Variants in FNIP2 observed in about 807,000 individuals in gnomAD.
The protein encoded by FNIP2 is folliculin interacting protein 2.
A neutral mutation model predicts 108.7 loss-of-function variants in FNIP2; 32 were observed. The ratio of observed to expected loss-of-function variants is 0.29; its 90% confidence interval spans 0.22 to 0.40. The LOEUF (loss-of-function observed/expected upper bound fraction) is 0.40, where lower values mean the gene tolerates loss of function less well. Among genes scored for constraint, FNIP2 ranks in the 10% least tolerant of loss-of-function variants. The pLI is 1.00. For synonymous variants in FNIP2, 480 were observed against 496.7 expected, an observed-to-expected ratio of 0.97 and a Z score of 0.45; for missense variants, 1,202 against 1,381.6, an observed-to-expected ratio of 0.87 and a Z score of 2.06.
In FNIP2 at chr4:158,879,081, A is replaced by G. The variant is rs148447760; in HGVS notation, c.2949+8612A>G. ...GTGGTGGCCAGAGTGAAGAGACTTTATAGCATATGCAGAAAGAGAATAGAG... is the reference window on the plus strand; with the variant it reads ...GTGGTGGCCAGAGTGAAGAGACTTTGTAGCATATGCAGAAAGAGAATAGAG... On this transcript the variant is annotated intron_variant, in intron 14 of 16. Transcript: ENST00000264433. 1.8e-3 allele frequency among the ~76,000 whole-genome samples: 267 copies of G among 150,454 alleles called. 20 individuals carry two copies. The highest frequency in any genetic ancestry group is 6.3e-3 in the African/African-American group (255 of 40,448).
At chr4:158,827,196 A>C (rs1055803332) in intron 2 of FNIP2, among the ~76,000 whole-genome samples, 19 of 152,218 alleles carry the variant, frequency 1.2e-4, no homozygotes, top group African/African-American at 4.6e-4. Flanking sequence ...TCCAGGTTAG[A>C]TTTGTAACAG....
rs539962659 is a variant in FNIP2 at position 158,786,979 on chromosome 4, C to CT, written c.107+17671dup. 2.3e-3 allele frequency among the ~76,000 whole-genome samples: 336 copies of CT among 145,076 alleles called. 2 individuals are homozygous for CT. The highest frequency in any genetic ancestry group is 4.8e-3 in the South Asian group (22 of 4,574). ...TCTGTATTGCTTTTGGGGGTCTCAG[C>CT]TTTTTTTTTTTAATCTCTAAGTCTG... On this transcript the variant is annotated intron_variant, in intron 1 of 16. Coordinates refer to ENST00000264433, the MANE Select transcript of FNIP2 (RefSeq NM_020840.3).
At chr4:158,898,506 T>C (rs1410345091) in intron 16 of FNIP2, among the ~76,000 whole-genome samples, 1 of 152,316 alleles carries the variant, frequency 6.6e-6, no homozygotes, top group African/African-American at 2.4e-5. Flanking sequence ...TGTCCTCTCT[T>C]ATTTCCTTGA....
At position 158,907,569 on chromosome 4, in the gene FNIP2, A is replaced by G. The variant is rs1036585131; in HGVS notation, c.*3025A>G. 1 of 152,220 alleles carries G rather than the reference A, an allele frequency of 6.6e-6. No individual in the cohort carries two copies. The highest frequency in any genetic ancestry group is 2.4e-5 in the African/African-American group (1 of 41,456). The allele number at this position is 152,220 out of a possible 1,614,324, so 9.4% of individuals were successfully genotyped here. A position where few individuals can be genotyped will look rare whatever the true frequency, so the allele number is the denominator to read the frequency against. Reference sequence around the variant, plus strand: ...AGAGTTGGTTGTACATAAAAATAATAAAGAATATAAAGTATCCCAAAATTC... The same window carrying G: ...AGAGTTGGTTGTACATAAAAATAATGAAGAATATAAAGTATCCCAAAATTC... On this transcript the variant is annotated 3_prime_UTR_variant, in exon 17 of 17. Coordinates refer to ENST00000264433, the MANE Select transcript of FNIP2 (RefSeq NM_020840.3).
Position 158,907,056 on chromosome 4 carries a change from C to T in FNIP2, c.*2512C>T, listed in dbSNP as rs957304293. 1.3e-5 allele frequency: 2 copies of T among 152,176 alleles called. No individual in the cohort carries two copies. The highest frequency in any genetic ancestry group is 3.8e-4 in the East Asian group (2 of 5,204). The allele number at this position is 152,176 out of a possible 1,614,324, so 9.4% of individuals were successfully genotyped here. On this transcript the variant is annotated 3_prime_UTR_variant, in exon 17 of 17. Coordinates refer to ENST00000264433, the MANE Select transcript of FNIP2 (RefSeq NM_020840.3). ...CTGTTGAGTGTAACTTTTGTAGCAT[C>T]TTGCTTTTCCAAGCAAGCTAGTGAG...
intron 1 of FNIP2, among the ~76,000 whole-genome samples, chr4:158,816,747 T>G (rs1777594400): frequency 6.8e-6 from 1 of 146,486 alleles, no homozygotes; most frequent in Non-Finnish European, 1.5e-5. Context: ...ATTGCACCAC[T>G]GCACTCCTGC....
intron 16 of FNIP2, 109 bp from the exon 17 acceptor site, chr4:158,904,353 TAATC>T: frequency 1.1e-6 from 1 of 916,464 alleles, no homozygotes; most frequent in Admixed American, 2.3e-5. Context: ...TTTTAAATGA[TAATC>T]TATCAAACTT....
intron 3 of FNIP2, 55 bp from the exon 4 acceptor site, chr4:158,831,806 T>G: frequency 2.8e-6 from 3 of 1,086,162 alleles, no homozygotes; most frequent in Non-Finnish European, 4.2e-6. Flanking sequence ...TATTTTCTGT[T>G]GCATTGCATG....
chr4:158,850,084 G>A (rs1395902420), intron 7 of FNIP2, among the ~76,000 whole-genome samples: 1 of 152,210 alleles, frequency 6.6e-6, no homozygotes, highest in Non-Finnish European at 1.5e-5. Context: ...AGTAACTCCT[G>A]TAGTATTTAA....
At position 158,859,210 on chromosome 4, in the gene FNIP2, TC is replaced by T. The variant is rs35074996; in HGVS notation, c.1015del (p.Leu339CysfsTer6). 6.2e-7 allele frequency: 1 copy of T among 1,612,434 alleles called. No homozygotes were observed. The highest frequency in any genetic ancestry group is 8.5e-7 in the Non-Finnish European group (1 of 1,179,094). ...TCCAGGACTTCTTCTTTTCTCATTT[TC>T]CCCTGTTTGAATCTCACATGAACAG... ...NFQDFFFSHF[P>X]LFESHMNRLK... On this transcript the variant is annotated frameshift_variant, in exon 9 of 17. Coordinates refer to ENST00000264433, the MANE Select transcript of FNIP2 (RefSeq NM_020840.3). LOFTEE classifies it high-confidence loss of function.
chr4:158,778,795 A>G (rs1384584413), intron 1 of FNIP2, among the ~76,000 whole-genome samples: 2 of 152,214 alleles, frequency 1.3e-5, no homozygotes, highest in African/African-American at 4.8e-5. Context: ...CACTACTGTA[A>G]TTTTACCAGT....
At chr4:158,810,936 C>T (rs1229537143) in intron 1 of FNIP2, among the ~76,000 whole-genome samples, 2 of 152,222 alleles carry the variant, frequency 1.3e-5, no homozygotes, top group Non-Finnish European at 2.9e-5. Context: ...GTTATGACTC[C>T]TGTGGTGAGT....
chr4:158,904,412 C>T, intron 16 of FNIP2, 54 bp from the exon 17 acceptor site: 1 of 1,409,586 alleles, frequency 7.1e-7, no homozygotes, highest in Non-Finnish European at 1.0e-6. Context: ...ATAATACTTT[C>T]TCATAAAACC....
At chr4:158,861,959 C>G (rs1780325258) in intron 12 of FNIP2, among the ~76,000 whole-genome samples, 183 bp downstream of exon 12, 1 of 152,118 alleles carries the variant, frequency 6.6e-6, no homozygotes, top group Non-Finnish European at 1.5e-5. Flanking sequence ...TCTTTTTTCC[C>G]CTACTGGCAG....
chr4:158,807,508 AAATAAT>A (rs751744966), intron 1 of FNIP2, among the ~76,000 whole-genome samples: 4 of 152,252 alleles, frequency 2.6e-5, no homozygotes, highest in African/African-American at 9.6e-5. Context: ...GTCGCTTTAA[AAATAAT>A]AATAATAAAA....
chr4:158,819,942 GA>G (rs757896892), intron 1 of FNIP2, among the ~76,000 whole-genome samples: 1 of 152,214 alleles, frequency 6.6e-6, no homozygotes, highest in Non-Finnish European at 1.5e-5. Flanking sequence ...TAGGGTTAAA[GA>G]GTGGTTGGAA....
At chr4:158,846,497 T>C (rs1779412453) in intron 7 of FNIP2, among the ~76,000 whole-genome samples, 1 of 152,172 alleles carries the variant, frequency 6.6e-6, no homozygotes, top group Non-Finnish European at 1.5e-5. Flanking sequence ...AAGCAGGATT[T>C]GAACTAGGAG....
chr4:158,851,294 C>T, intron 7 of FNIP2, 27 bp from the exon 8 acceptor site: 2 of 1,613,430 alleles, frequency 1.2e-6, no homozygotes, highest in Non-Finnish European at 1.7e-6. Context: ...TTGACCTCAA[C>T]TTTCAAATTC....
At chr4:158,772,515 A>C (rs1439746050) in intron 1 of FNIP2, among the ~76,000 whole-genome samples, 3 of 152,206 alleles carry the variant, frequency 2.0e-5, no homozygotes, top group Non-Finnish European at 4.4e-5. Context: ...ATTTTGGAGC[A>C]GTTAAATGAA....
Sources: gnomAD v4.1 joint callset for allele counts (sites outside exome capture counted in the v4.1 genomes callset) on GRCh38, gnomAD v4.1.1 for gene constraint, MANE v1.5 for transcripts, NCBI Gene and HGNC (gene_info 2026-07-23, HGNC 2026-07-21) for gene names.